MYO1D: variants seen among roughly 807,000 people sequenced by gnomAD.
MYO1D encodes the protein unconventional myosin-Id.
MYO1D carries 83 observed loss-of-function variants against 122.0 expected under a neutral mutation model. The ratio of observed to expected loss-of-function variants is 0.68; its 90% CI spans 0.57 to 0.82. The LOEUF is 0.82. MYO1D is among the 40% of genes least tolerant of loss of function. The pLI, the probability that MYO1D is intolerant of heterozygous loss-of-function variation, is 0.00. For missense variants in MYO1D, 1,157 were observed against 1,269.5 expected (o/e 0.91, Z 1.35); for synonymous variants, 464 against 446.9 (o/e 1.04, Z -0.48).
At chr17:32,863,350 AAC>A (rs1408551393) in intron 1 of MYO1D, among the ~76,000 whole-genome samples, 1 of 152,236 alleles carries the variant, frequency 6.6e-6, no homozygotes. Flanking sequence ...GAAGATAAAA[AAC>A]AGACATCTTA....
rs762201829 is a variant in MYO1D, at chr17:32,525,566, A to G, written c.2865-30651T>C. On this transcript the variant is annotated intron_variant, in intron 21 of 21. Transcript: ENST00000318217. ...GCTCCTCGCTGGGGACAGTTCCAGA[A>G]CCCTGCTAGACTTGATCTTAGCCAA... Among the ~76,000 whole-genome samples the G allele has an allele frequency of 7.2e-5, 11 of 152,164 alleles. No individual in the cohort carries two copies. The South Asian group carries it at 1.0e-3, about 14-fold the overall frequency.
At position 32,653,881 on chromosome 17, in the gene MYO1D, T is replaced by G; in HGVS notation, c.2557A>C (p.Lys853Gln). 1 of 1,614,094 alleles carries G rather than the reference T, an allele frequency of 6.2e-7. No individual in the cohort carries two copies. Among genetic ancestry groups the G allele is most frequent in the Non-Finnish European group, 8.5e-7 (1 of 1,179,968 alleles). The change falls in exon 19 of 22, where the codon AAA becomes CAA. Residue 853 changes from lysine to glutamine, a missense_variant. Transcript: ENST00000318217. ...PVANELKRKD[K>Q]YMNVLFSCHV... ...CAGGAAAAGAGGACATTCATGTATT[T>G]GTCCTTCCGTTTCAATTCATTAGCA... is the stretch of plus-strand genomic sequence containing the variant.
At position 32,594,527 on chromosome 17, in the gene MYO1D, T is replaced by C. The variant is rs1374234533; in HGVS notation, c.2864+10560A>G. 5 of 634,712 alleles carry C rather than the reference T, an allele frequency of 7.9e-6. No individual in the cohort carries two copies. In the Admixed American group the frequency reaches 9.3e-5, roughly 12 times the overall value. The allele number at this position is 634,712 out of a possible 1,614,324, so 39.3% of individuals were successfully genotyped here. On this transcript the variant is annotated intron_variant, in intron 21 of 21. Transcript: ENST00000318217. ...CTTGGGCCTGTTTATGTAGAATCTATGCTTTCTTGAATTTTATTCAGAGTA... is the reference window on the plus strand; with the variant it reads ...CTTGGGCCTGTTTATGTAGAATCTACGCTTTCTTGAATTTTATTCAGAGTA...
intron 1 of MYO1D, among the ~76,000 whole-genome samples, chr17:32,862,646 C>T (rs953064264): frequency 6.6e-6 from 1 of 152,202 alleles, no homozygotes; most frequent in Non-Finnish European, 1.5e-5. Context: ...ACTGGATAAC[C>T]ATAACCATCG....
chr17:32,583,905 AT>A (rs913796881), intron 21 of MYO1D, among the ~76,000 whole-genome samples: 1 of 151,822 alleles, frequency 6.6e-6, no homozygotes, highest in Non-Finnish European at 1.5e-5. Flanking sequence ...TGCCCTGCTT[AT>A]TTGGGTCTTT....
chr17:32,848,466 G>A (rs752776367), intron 1 of MYO1D, among the ~76,000 whole-genome samples: 39 of 152,314 alleles, frequency 2.6e-4, no homozygotes, highest in Middle Eastern at 6.8e-3. Context: ...TTTAAATCAT[G>A]TCAAAGTAAA....
chr17:32,788,953 C>A (rs183821589), intron 1 of MYO1D, among the ~76,000 whole-genome samples: 1 of 152,110 alleles, frequency 6.6e-6, no homozygotes, highest in Admixed American at 6.5e-5. Flanking sequence ...GTTTTCCTTG[C>A]AATCTTTCAC....
intron 1 of MYO1D, among the ~76,000 whole-genome samples, chr17:32,872,574 G>GGT (rs2091191016): frequency 7.0e-6 from 1 of 142,830 alleles, no homozygotes; most frequent in Non-Finnish European, 1.5e-5. Flanking sequence ...GCGCCCGGCC[G>GGT]CAGGTTTTGT....
intron 1 of MYO1D, among the ~76,000 whole-genome samples, chr17:32,865,534 C>T (rs994790096): frequency 6.6e-6 from 1 of 152,202 alleles, no homozygotes; most frequent in African/African-American, 2.4e-5. Context: ...GTGTGTTTAT[C>T]CATCTATTCC....
intron 21 of MYO1D, 47 bp from the exon 22 acceptor site, chr17:32,494,962 G>A (rs1909036468): frequency 1.3e-6 from 2 of 1,535,776 alleles, no homozygotes; most frequent in Non-Finnish European, 1.8e-6. Context: ...GGCAGCATGA[G>A]AACAGGGCAC....
At chr17:32,844,016 C>T (rs1377732209) in intron 1 of MYO1D, among the ~76,000 whole-genome samples, 1 of 150,816 alleles carries the variant, frequency 6.6e-6, no homozygotes, top group African/African-American at 2.4e-5. Flanking sequence ...CACACACACA[C>T]ATATATATAC....
chr17:32,657,374 G>C (rs1327737161), intron 17 of MYO1D, among the ~76,000 whole-genome samples: 1 of 152,184 alleles, frequency 6.6e-6, no homozygotes, highest in Non-Finnish European at 1.5e-5. Flanking sequence ...GGTCTGTCTT[G>C]GTACTGCCCA....
intron 16 of MYO1D, among the ~76,000 whole-genome samples, chr17:32,701,175 G>C (rs1454368364): frequency 6.6e-6 from 1 of 152,066 alleles, no homozygotes; most frequent in Non-Finnish European, 1.5e-5. Context: ...AATTAAATTA[G>C]AGAATCTGAA....
chr17:32,763,111 G>T (rs1382296094), intron 8 of MYO1D, among the ~76,000 whole-genome samples: 2 of 50,464 alleles, frequency 4.0e-5, no homozygotes, highest in African/African-American at 5.3e-5. Flanking sequence ...GCATGAACCC[G>T]GAAGGCAGAG....
At chr17:32,823,611 A>C (rs577733618) in intron 1 of MYO1D, among the ~76,000 whole-genome samples, 2 of 152,306 alleles carry the variant, frequency 1.3e-5, no homozygotes, top group South Asian at 4.1e-4. Flanking sequence ...GATAATAGTA[A>C]TATAAGTAAT....
chr17:32,734,785 G>C (rs951702322), intron 14 of MYO1D: 2 of 151,992 alleles, frequency 1.3e-5, no homozygotes, highest in African/African-American at 4.8e-5. Context: ...AAATAGTTGA[G>C]ATGGCTGAGC....
chr17:32,844,008 C>A (rs183826320), intron 1 of MYO1D, among the ~76,000 whole-genome samples: 386 of 151,290 alleles, frequency 2.6e-3, no homozygotes, highest in Non-Finnish European at 4.2e-3. Flanking sequence ...CACATATACA[C>A]ACACACACAT....
intron 1 of MYO1D, among the ~76,000 whole-genome samples, chr17:32,868,131 T>C (rs1011689803): frequency 7.9e-5 from 12 of 152,126 alleles, no homozygotes; most frequent in African/African-American, 2.4e-4. Flanking sequence ...TGAGAATGCA[T>C]AGGGTGATAG....
intron 16 of MYO1D, among the ~76,000 whole-genome samples, chr17:32,674,820 A>C (rs2088781829): frequency 6.6e-6 from 1 of 152,210 alleles, no homozygotes. Flanking sequence ...CCCAAAATAC[A>C]TCAGTTTCCA....
Sources: gnomAD v4.1 joint callset for allele counts (sites outside exome capture counted in the v4.1 genomes callset) on GRCh38, gnomAD v4.1.1 for gene constraint, MANE v1.5 for transcripts, NCBI Gene and HGNC (gene_info 2026-07-23, HGNC 2026-07-21) for gene names.